The following NLGN1 variants were observed in gnomAD, a reference collection of about 807,000 sequenced individuals.
NLGN1 encodes the protein neuroligin 1.
A neutral mutation model predicts 65.5 loss-of-function variants in NLGN1; 12 were observed. The ratio of observed to expected loss-of-function variants is 0.18; its 90% CI spans 0.12 to 0.30. NLGN1 has a LOEUF of 0.30. Ranked by LOEUF, NLGN1 falls within the 10% of genes least tolerant of loss-of-function variation. The pLI is 1.00. For synonymous variants in NLGN1, 350 were observed against 359.5 expected (o/e 0.97, Z 0.30); for missense variants, 750 against 1,007.1 (o/e 0.74, Z 3.46).
At chr3:173,549,011 G>A (rs1740392377) in intron 2 of NLGN1, among the ~76,000 whole-genome samples, 1 of 151,624 alleles carries the variant, frequency 6.6e-6, no homozygotes, top group Admixed American at 6.6e-5. Flanking sequence ...TACGAATTGT[G>A]GATATATATT....
intron 3 of NLGN1, among the ~76,000 whole-genome samples, chr3:173,647,131 C>G (rs537347261): frequency 1.3e-5 from 2 of 152,196 alleles, no homozygotes; most frequent in African/African-American, 4.8e-5. Flanking sequence ...GTTAATCCAT[C>G]AAGAAGACAT....
chr3:174,099,143 TAGAAGTTA>T (rs1332634431), intron 4 of NLGN1, among the ~76,000 whole-genome samples: 29 of 152,106 alleles, frequency 1.9e-4, no homozygotes, highest in Admixed American at 1.9e-3. Context: ...AGGAAAACAG[TAGAAGTTA>T]TGCAACAGAC....
chr3:173,425,207 C>T (rs1414397500), intron 1 of NLGN1, among the ~76,000 whole-genome samples: 6 of 152,228 alleles, frequency 3.9e-5, no homozygotes, highest in East Asian at 1.9e-4. Context: ...ATGATCTAAT[C>T]GCCTACCAGC....
intron 4 of NLGN1, among the ~76,000 whole-genome samples, chr3:174,016,363 C>T: frequency 6.6e-6 from 1 of 152,204 alleles, no homozygotes; most frequent in East Asian, 1.9e-4. Flanking sequence ...ATTACTCAGA[C>T]TGTCTTATGA....
At chr3:174,273,802 C>CACTT (rs1170744219) in intron 4 of NLGN1, among the ~76,000 whole-genome samples, 1 of 151,614 alleles carries the variant, frequency 6.6e-6, no homozygotes, top group Non-Finnish European at 1.5e-5. Context: ...AATAACTAAG[C>CACTT]ACTTTCATTT....
rs867724276 is a variant in NLGN1 at position 173,578,031 on chromosome 3, T to C, written c.-320-26248T>C. Among the ~76,000 whole-genome samples, 4 of 152,056 alleles carry C rather than the reference T, an allele frequency of 2.6e-5. No individual in the cohort carries two copies. The South Asian group carries it at 8.3e-4, about 32-fold the overall frequency. On this transcript the variant is annotated intron_variant, in intron 2 of 6. Transcript: ENST00000457714. ...GCAGGTGGATCACGAGGTCAGGAGATCAATACCATCCTGGCTAACATTGTG... is the reference window on the plus strand; with the variant it reads ...GCAGGTGGATCACGAGGTCAGGAGACCAATACCATCCTGGCTAACATTGTG...
At chr3:174,099,793 TGTTA>T (rs1237769158) in intron 4 of NLGN1, among the ~76,000 whole-genome samples, 1 of 152,118 alleles carries the variant, frequency 6.6e-6, no homozygotes, top group African/African-American at 2.4e-5. Flanking sequence ...AAAGAAAACT[TGTTA>T]GTTAATTCTT....
intron 4 of NLGN1, among the ~76,000 whole-genome samples, chr3:173,850,689 G>A (rs185700780): frequency 2.6e-5 from 4 of 151,878 alleles, no homozygotes; most frequent in Non-Finnish European, 5.9e-5. Context: ...TTTTACTTGG[G>A]TTATTTCTAA....
At chr3:173,807,727 G>A in exon 4 of NLGN1, 1 of 1,613,716 alleles carries the variant, frequency 6.2e-7, no homozygotes, top group Non-Finnish European at 8.5e-7. Context: ...GTATATCCAT[G>A]GTGGCTCATA....
At chr3:174,261,730 A>T (rs1193200902) in intron 4 of NLGN1, among the ~76,000 whole-genome samples, 1 of 142,092 alleles carries the variant, frequency 7.0e-6, no homozygotes, top group East Asian at 2.8e-4. Flanking sequence ...ATTGAATAGG[A>T]GTGGTGAGAG....
At chr3:173,670,735 T>C (rs1762334615) in intron 3 of NLGN1, among the ~76,000 whole-genome samples, 1 of 152,184 alleles carries the variant, frequency 6.6e-6, no homozygotes, top group African/African-American at 2.4e-5. Context: ...TGTGTGACCA[T>C]TGAAAGGTGC....
rs368099753 is a variant in NLGN1, at chr3:174,071,738, CA to C, written c.647-203575del. On this transcript the variant is annotated intron_variant, in intron 4 of 6. Coordinates refer to ENST00000457714, the Ensembl canonical transcript of NLGN1. Reference sequence around the variant, plus strand: ...GTCCCAAAAAAAAAAAAAAAAAAATCAAGTGTGCATTTGTTTGGAAATATGA... The same window carrying C: ...GTCCCAAAAAAAAAAAAAAAAAAATCAGTGTGCATTTGTTTGGAAATATGA... 6.7e-3 allele frequency among the ~76,000 whole-genome samples: 990 copies of C among 146,900 alleles called. 10 individuals carry two copies. Among genetic ancestry groups the C allele is most frequent in the African/African-American group, 0.023 (926 of 39,856 alleles).
intron 3 of NLGN1, among the ~76,000 whole-genome samples, chr3:173,668,339 G>C (rs1033904476): frequency 6.6e-6 from 1 of 152,222 alleles, no homozygotes; most frequent in Middle Eastern, 3.4e-3. Context: ...AAAATACCAG[G>C]CTCAACTAAA....
chr3:173,561,497 T>A (rs920681787), intron 2 of NLGN1, among the ~76,000 whole-genome samples: 1 of 152,168 alleles, frequency 6.6e-6, no homozygotes. Flanking sequence ...TGTAGATATA[T>A]CTCTCACAAC....
At chr3:174,124,499 GTA>G (rs1014647573) in intron 4 of NLGN1, among the ~76,000 whole-genome samples, 5 of 147,896 alleles carry the variant, frequency 3.4e-5, no homozygotes, top group African/African-American at 9.9e-5. Context: ...ACATATATGT[GTA>G]TATATATAAG....
intron 3 of NLGN1, among the ~76,000 whole-genome samples, chr3:173,656,244 G>A (rs1760013503): frequency 6.6e-6 from 1 of 152,054 alleles, no homozygotes; most frequent in Admixed American, 6.6e-5. Flanking sequence ...CTAAAACTTT[G>A]TAATATCAAA....
chr3:173,610,123 C>T (rs527872637), intron 3 of NLGN1, among the ~76,000 whole-genome samples: 2 of 151,916 alleles, frequency 1.3e-5, no homozygotes, highest in South Asian at 4.1e-4. Context: ...GGTCCAGGCT[C>T]AAACCAGGGT....
chr3:174,154,824 AT>A (rs1725027010), intron 4 of NLGN1, among the ~76,000 whole-genome samples: 1 of 63,736 alleles, frequency 1.6e-5, no homozygotes, highest in Non-Finnish European at 2.6e-5. Context: ...TTGTAGATAG[AT>A]ATATAGATAT....
chr3:174,201,324 G>C (rs796166829), intron 4 of NLGN1, among the ~76,000 whole-genome samples: 2 of 129,742 alleles, frequency 1.5e-5, no homozygotes, highest in South Asian at 5.8e-4. Flanking sequence ...GAGGGAGGCG[G>C]GAGGAGGGAA....
Sources: allele counts gnomAD v4.1 joint callset (sites outside exome capture counted in the v4.1 genomes callset), GRCh38; gene constraint gnomAD v4.1.1; transcripts MANE v1.5; gene names NCBI Gene and HGNC (gene_info 2026-07-23, HGNC 2026-07-21).